Variants in RAP1A observed in about 807,000 individuals in gnomAD.
RAP1A encodes ras-related protein Rap-1A.
RAP1A carries 6 observed loss-of-function variants against 26.4 expected under a neutral mutation model. That is an observed-to-expected ratio of 0.23 (90% CI 0.12 to 0.45). RAP1A has a LOEUF of 0.45. Ranked by LOEUF, RAP1A falls within the 20% of genes least tolerant of loss-of-function variation. The pLI is 0.99. For missense variants in RAP1A, 121 were observed against 217.2 expected (o/e 0.56, Z 2.78); for synonymous variants, 73 against 79.4 (o/e 0.92, Z 0.43).
rs557970349 is a variant in RAP1A, at chr1:111,709,765, G to A, written c.*29+501G>A. Among the ~76,000 whole-genome samples, 32 of 152,238 alleles carry A rather than the reference G, an allele frequency of 2.1e-4. No individual in the cohort carries two copies. In the South Asian group the frequency reaches 6.4e-3, roughly 31 times the overall value. On this transcript the variant is annotated intron_variant, in intron 7 of 7. Transcript: ENST00000369709. ...CTTTGAACTTTACATAAACAAAAAC[G>A]TAGTGTATTTCCTGTGTCTGGCTTC...
chr1:111,631,539 A>G (rs953850747), intron 1 of RAP1A, among the ~76,000 whole-genome samples: 3 of 152,212 alleles, frequency 2.0e-5, no homozygotes, highest in Non-Finnish European at 4.4e-5. Flanking sequence ...TAATTTGTGA[A>G]AATTTACACA....
upstream of RAP1A, among the ~76,000 whole-genome samples, chr1:111,617,030 ATGTG>A (rs1281992108): frequency 2.0e-5 from 3 of 152,056 alleles, no homozygotes; most frequent in Non-Finnish European, 4.4e-5. Context: ...GTGGGTATGC[ATGTG>A]TGTGTATGCG....
intron 1 of RAP1A, among the ~76,000 whole-genome samples, chr1:111,668,075 A>T (rs1660854104): frequency 6.6e-6 from 1 of 152,212 alleles, no homozygotes; most frequent in African/African-American, 2.4e-5. Flanking sequence ...GTGGTGGTGC[A>T]GGTTTGGGGG....
chr1:111,581,740 C>T (rs1012362196), intron 1 of RAP1A, among the ~76,000 whole-genome samples: 3 of 152,160 alleles, frequency 2.0e-5, no homozygotes, highest in African/African-American at 7.2e-5. Flanking sequence ...AAAGATAAGA[C>T]ACAAGCTCGT....
chr1:111,668,435 T>C (rs979146127), intron 1 of RAP1A, among the ~76,000 whole-genome samples: 45 of 152,198 alleles, frequency 3.0e-4, no homozygotes, highest in African/African-American at 1.0e-3. Context: ...ATAGCTAACA[T>C]TTTGTAGTGC....
At chr1:111,667,232 C>T (rs1461910373) in intron 1 of RAP1A, among the ~76,000 whole-genome samples, 1 of 151,988 alleles carries the variant, frequency 6.6e-6, no homozygotes, top group Non-Finnish European at 1.5e-5. Context: ...ACACTCCTAC[C>T]CTCCTCTCCT....
upstream of RAP1A, among the ~76,000 whole-genome samples, chr1:111,618,835 A>AAAATG (rs1380952857): frequency 6.6e-6 from 1 of 152,124 alleles, no homozygotes; most frequent in Non-Finnish European, 1.5e-5. Context: ...AAAATAAAAT[A>AAAATG]AAATAAAATA....
chr1:111,548,179 C>A (rs530398438), intron 1 of RAP1A, among the ~76,000 whole-genome samples: 7 of 152,334 alleles, frequency 4.6e-5, no homozygotes, highest in Non-Finnish European at 8.8e-5. Context: ...TGCCACCACA[C>A]CTGGCTAATT....
chr1:111,569,311 G>A (rs1657988974), intron 1 of RAP1A, among the ~76,000 whole-genome samples: 1 of 151,228 alleles, frequency 6.6e-6, no homozygotes. Context: ...TGAGGCGGGG[G>A]AATCTTGAGC....
At chr1:111,582,313 C>T (rs1247676132) in intron 1 of RAP1A, among the ~76,000 whole-genome samples, 2 of 152,134 alleles carry the variant, frequency 1.3e-5, no homozygotes, top group African/African-American at 2.4e-5. Context: ...ACCATGGCAG[C>T]CATGTAGCTA....
Position 111,704,348 on chromosome 1 carries a change from A to T in RAP1A, c.330A>T (p.Pro110=). Residue 110 remains proline, a synonymous_variant, in exon 6 of 8, where the codon CCA becomes CCT. Transcript: ENST00000369709. ...ACGTTTTTTTCTTCCCACAGGTTCCAATGATTTTGGTTGGCAATAAATGTG... is the reference window on the plus strand; with the variant it reads ...ACGTTTTTTTCTTCCCACAGGTTCCTATGATTTTGGTTGGCAATAAATGTG... The part of the protein sequence containing the change: ...ILRVKDTEDV[P]MILVGNKCDL... 1 of 1,613,562 alleles carries T rather than the reference A, an allele frequency of 6.2e-7. No homozygotes were observed. Among genetic ancestry groups the T allele is most frequent in the Admixed American group, 1.7e-5 (1 of 59,938 alleles).
intron 1 of RAP1A, among the ~76,000 whole-genome samples, chr1:111,666,973 A>G (rs1428689915): frequency 8.1e-6 from 1 of 123,986 alleles, no homozygotes; most frequent in Non-Finnish European, 1.7e-5. Flanking sequence ...AGGCCAAATC[A>G]TTAGGAGCTT....
chr1:111,589,218 C>T (rs944631413), intron 1 of RAP1A, among the ~76,000 whole-genome samples: 4 of 152,328 alleles, frequency 2.6e-5, no homozygotes, highest in African/African-American at 9.6e-5. Context: ...ACCTGAAACA[C>T]AATCTGGACA....
chr1:111,656,750 T>C (rs1660474951), intron 1 of RAP1A, among the ~76,000 whole-genome samples: 1 of 152,182 alleles, frequency 6.6e-6, no homozygotes. Flanking sequence ...TAGTTGCTCT[T>C]TCCTGACCTG....
At chr1:111,567,307 G>A (rs535979358) in intron 1 of RAP1A, among the ~76,000 whole-genome samples, 34 of 152,166 alleles carry the variant, frequency 2.2e-4, no homozygotes, top group Non-Finnish European at 3.8e-4. Context: ...TGTAAGATAC[G>A]TGAATTACTT....
intron 1 of RAP1A, among the ~76,000 whole-genome samples, chr1:111,594,133 C>T (rs927514966): frequency 2.6e-5 from 4 of 152,144 alleles, no homozygotes; most frequent in African/African-American, 7.2e-5. Context: ...GTTCTCCCAC[C>T]CCTATCCCGC....
chr1:111,713,024 TATACTA>T lies in RAP1A; in HGVS notation c.*625_*630del, dbSNP rs1662432632. 1 of 152,580 alleles carries T rather than the reference TATACTA, an allele frequency of 6.6e-6. No individual in the cohort carries two copies. Among genetic ancestry groups the T allele is most frequent in the Admixed American group, 6.5e-5 (1 of 15,286 alleles). 9.5% of individuals were successfully genotyped at this position (152,580 alleles called of 1,614,324 possible). ...TGGCTTTCAAAGCTAAAATATATAA[TATACTA>T]AACCAACTCTAATATTGCTTCTTGT... is the stretch of plus-strand genomic sequence containing the variant. On this transcript the variant is annotated 3_prime_UTR_variant, in exon 8 of 8. Transcript: ENST00000369709.
intron 1 of RAP1A, among the ~76,000 whole-genome samples, chr1:111,559,392 A>G (rs899768240): frequency 2.0e-5 from 3 of 152,190 alleles, no homozygotes; most frequent in Admixed American, 6.5e-5. Context: ...TGACCTAAAA[A>G]AAATCCTATT....
At chr1:111,665,200 A>G (rs958547769) in intron 1 of RAP1A, among the ~76,000 whole-genome samples, 2 of 152,230 alleles carry the variant, frequency 1.3e-5, no homozygotes, top group African/African-American at 4.8e-5. Flanking sequence ...TTTTAGCTGG[A>G]TAATAGTTTG....
Sources: gnomAD v4.1 joint callset for allele counts (sites outside exome capture counted in the v4.1 genomes callset) on GRCh38, gnomAD v4.1.1 for gene constraint, MANE v1.5 for transcripts, NCBI Gene and HGNC (gene_info 2026-07-23, HGNC 2026-07-21) for gene names.